The following ADGRE1 variants were observed in gnomAD, a reference collection of about 807,000 sequenced individuals.
ADGRE1 encodes adhesion G protein-coupled receptor E1, also known as EGF-like module receptor 1.
A neutral mutation model predicts 102.7 loss-of-function variants in ADGRE1; 82 were observed. That is an observed-to-expected ratio of 0.80 (90% CI 0.67 to 0.96). The LOEUF (loss-of-function observed/expected upper bound fraction) is 0.96, where lower values mean the gene tolerates loss of function less well. Among genes scored for constraint, ADGRE1 ranks in the 40% least tolerant of loss-of-function variants. ADGRE1 has a pLI of 0.00. For missense variants in ADGRE1, 1,032 were observed against 1,085.3 expected, an observed-to-expected ratio of 0.95 and a Z score of 0.69; for synonymous variants, 398 against 399.6, an observed-to-expected ratio of 1.00 and a Z score of 0.05.
chr19:6,894,159 T>G (rs139600584), intron 2 of ADGRE1, among the ~76,000 whole-genome samples: 2 of 152,300 alleles, frequency 1.3e-5, no homozygotes, highest in Non-Finnish European at 2.9e-5. Flanking sequence ...TAATTCCTCC[T>G]TCGCCATGGA....
chr19:6,901,961 C>T lies in ADGRE1; in HGVS notation c.601C>T (p.Pro201Ser), dbSNP rs376248323. The T allele has an allele frequency of 3.2e-5, 52 of 1,614,152 alleles. No homozygotes were observed. In the African/African-American group the frequency reaches 4.8e-4, roughly 15 times the overall value. The change falls in exon 6 of 21, where the codon CCA becomes TCA. Residue 201 changes from proline to serine, a missense_variant. Pro to Ser is a moderately conservative substitution (Grantham distance 74). Coordinates refer to ENST00000312053, the MANE Select transcript of ADGRE1 (RefSeq NM_001974.5). ...TGGAAACTACTCTTGTTTCTGCAAC[C>T]CAGGATTTGAATCCAGCAGTGGCCA... ...TVGNYSCFCN[P>S]GFESSSGHLS...
At chr19:6,900,548 C>G (rs774100195) in intron 5 of ADGRE1, among the ~76,000 whole-genome samples, 1 of 152,252 alleles carries the variant, frequency 6.6e-6, no homozygotes, top group Non-Finnish European at 1.5e-5. Flanking sequence ...TTGGTTCAGG[C>G]TTGATCATCA....
chr19:6,929,519 C>A lies in ADGRE1; in HGVS notation c.2289+1308C>A, dbSNP rs1363649394. Among the ~76,000 whole-genome samples the A allele has an allele frequency of 4.8e-5, 5 of 103,418 alleles. No individual in the cohort carries two copies. The East Asian group carries it at 1.0e-3, about 21-fold the overall frequency. The allele number at this position is 103,418 out of a possible 152,430, so 67.8% of individuals were successfully genotyped here. ...ACAAAGAAAAGGGAAGACGGAGCTGCCATTTTTTTTTTCTTTTTTTTTAGA... is the reference window on the plus strand; with the variant it reads ...ACAAAGAAAAGGGAAGACGGAGCTGACATTTTTTTTTTCTTTTTTTTTAGA... On this transcript the variant is annotated intron_variant, in intron 17 of 20. Transcript: ENST00000312053.
At chr19:6,909,811 C>A (rs751765897) in intron 10 of ADGRE1, among the ~76,000 whole-genome samples, 1 of 151,976 alleles carries the variant, frequency 6.6e-6, no homozygotes, top group Non-Finnish European at 1.5e-5. Flanking sequence ...CTTGGCTCAC[C>A]GCAACCTCCA....
intron 2 of ADGRE1, 56 bp downstream of exon 2, chr19:6,890,599 C>A (rs143381239): frequency 6.4e-7 from 1 of 1,562,010 alleles, no homozygotes; most frequent in Non-Finnish European, 8.7e-7. Flanking sequence ...GTTTTCTCCC[C>A]GGGGAAACAT....
intron 17 of ADGRE1, among the ~76,000 whole-genome samples, chr19:6,930,794 C>T (rs560831764): frequency 5.3e-5 from 8 of 152,100 alleles, no homozygotes; most frequent in South Asian, 2.1e-4. Context: ...TGCGCCACCA[C>T]GCCCAGCTAA....
chr19:6,930,921 G>A (rs1975114950), intron 17 of ADGRE1, among the ~76,000 whole-genome samples: 1 of 152,124 alleles, frequency 6.6e-6, no homozygotes, highest in African/African-American at 2.4e-5. Context: ...TTACAGGCAT[G>A]AGCCACTGTG....
At chr19:6,939,928 A>C in intron 20 of ADGRE1, 96 bp from the exon 21 acceptor site, 1 of 1,344,220 alleles carries the variant, frequency 7.4e-7, no homozygotes, top group Non-Finnish European at 1.1e-6. Context: ...TTGTTACTGT[A>C]TTTTTAATAC....
chr19:6,902,153 C>T, intron 6 of ADGRE1, 132 bp downstream of exon 6: 1 of 1,225,018 alleles, frequency 8.2e-7, no homozygotes, highest in Non-Finnish European at 1.2e-6. Flanking sequence ...CATTCATTCA[C>T]TCATTAAAGA....
In ADGRE1 at chr19:6,919,636, C is replaced by T. The variant is rs1410677850; in HGVS notation, c.1509C>T (p.Thr503=). The T allele has an allele frequency of 6.8e-6, 11 of 1,613,454 alleles. No homozygotes were observed. The highest frequency in any genetic ancestry group is 9.3e-6 in the Non-Finnish European group (11 of 1,179,922). ...RFFKDHQAPL[T]TSEIKLKMNS... ...TCAAAGACCACCAGGCTCCCTTGAC[C>T]ACCTCTGAGATCAAGCTGAAGATGA... The change falls in exon 13 of 21, where the codon ACC becomes ACT. Residue 503 remains threonine, a synonymous_variant. Transcript: ENST00000312053.
chr19:6,897,273 C>T lies in ADGRE1; in HGVS notation c.363C>T (p.Val121=), dbSNP rs1973593069. The change falls in exon 4 of 21, where the codon GTC becomes GTT. Residue 121 remains valine, a synonymous_variant. Coordinates refer to ENST00000312053, the MANE Select transcript of ADGRE1 (RefSeq NM_001974.5). ...GFSSPTGNDW[V]PGKPGNFSCT... is the part of the protein sequence containing the mutation. ...CTTCTCCCACTGGAAATGACTGGGT[C>T]CCAGGAAAGCCGGGCAATTTCTCCT... The T allele has an allele frequency of 1.2e-6, 2 of 1,613,644 alleles. No homozygotes were observed. Among genetic ancestry groups the T allele is most frequent in the South Asian group, 1.1e-5 (1 of 91,052 alleles).
At chr19:6,932,132 A>C (rs1241711880) in intron 17 of ADGRE1, among the ~76,000 whole-genome samples, 1 of 152,132 alleles carries the variant, frequency 6.6e-6, no homozygotes, top group Non-Finnish European at 1.5e-5. Flanking sequence ...GAGTCCACCA[A>C]ATAAAATAAA....
intron 9 of ADGRE1, 97 bp from the exon 10 acceptor site, chr19:6,908,592 A>G: frequency 9.4e-7 from 1 of 1,061,170 alleles, no homozygotes; most frequent in South Asian, 1.7e-5. Context: ...GCCACCTCAT[A>G]TGATGGGCTT....
At chr19:6,934,643 G>A (rs547368114) in intron 17 of ADGRE1, among the ~76,000 whole-genome samples, 21 of 149,596 alleles carry the variant, frequency 1.4e-4, no homozygotes, top group African/African-American at 5.2e-4. Context: ...CTGTTGCCAG[G>A]CTGGAGTGCA....
In ADGRE1 at chr19:6,903,951, G is replaced by A. The variant is rs1973858961; in HGVS notation, c.802+1G>A. ...ACAGACCAAGGAGTGGAATGTAGAG[G>A]TGAGCAGAGAGTTTGATGGACAATC... On this transcript the variant is annotated splice_donor_variant, in intron 7 of 20. Coordinates refer to ENST00000312053, the MANE Select transcript of ADGRE1 (RefSeq NM_001974.5). LOFTEE classifies it high-confidence loss of function. 1 of 1,614,210 alleles carries A rather than the reference G, an allele frequency of 6.2e-7. No individual in the cohort carries two copies.
intron 20 of ADGRE1, among the ~76,000 whole-genome samples, chr19:6,938,702 G>A (rs1975540951): frequency 6.6e-6 from 1 of 151,044 alleles, no homozygotes; most frequent in Admixed American, 6.7e-5. Context: ...AGAGTGCCTC[G>A]GACATAGCAG....
intron 3 of ADGRE1, chr19:6,896,821 G>C: frequency 2.0e-6 from 1 of 488,638 alleles, no homozygotes. Flanking sequence ...TCCTCTCTTT[G>C]ATCATGTAAA....
intron 12 of ADGRE1, among the ~76,000 whole-genome samples, chr19:6,917,759 A>T (rs894037478): frequency 2.0e-5 from 3 of 151,046 alleles, no homozygotes; most frequent in Non-Finnish European, 2.9e-5. Flanking sequence ...AAAAAAAAGA[A>T]TTGAGGGTGT....
intron 7 of ADGRE1, 32 bp from the exon 8 acceptor site, chr19:6,904,004 T>C (rs1973861931): frequency 6.2e-7 from 1 of 1,613,998 alleles, no homozygotes; most frequent in Non-Finnish European, 8.5e-7. Flanking sequence ...TTTGCTCTTC[T>C]GGGTTTCTTG....
Sources: gnomAD v4.1 joint callset for allele counts (sites outside exome capture counted in the v4.1 genomes callset) on GRCh38, gnomAD v4.1.1 for gene constraint, MANE v1.5 for transcripts, NCBI Gene and HGNC (gene_info 2026-07-23, HGNC 2026-07-21) for gene names.